The following DNAI1 variants were observed in gnomAD, a reference collection of about 807,000 sequenced individuals.
DNAI1 encodes the protein dynein axonemal intermediate chain 1.
In DNAI1, 67 loss-of-function variants were observed where a neutral mutation model predicts 92.0. The observed-to-expected ratio is 0.73, with a 90% CI of 0.60 to 0.89. The LOEUF is 0.89. DNAI1 is among the 40% of genes least tolerant of loss of function. The pLI, the probability that DNAI1 is intolerant of heterozygous loss-of-function variation, is 0.00. For missense variants in DNAI1, 839 were observed against 866.6 expected (o/e 0.97, Z 0.40); for synonymous variants, 323 against 319.6 (o/e 1.01, Z -0.11).
rs377217567 is a variant in DNAI1 at position 34,514,416 on chromosome 9, A to G, written c.1592A>G (p.Gln531Arg). ...CAGTGCTCTAAATCCTACTCCAGCC[A>G]ATTCCTCGACACCTATGACGCCCAC... Reference protein sequence around the residue: ...IYKCSKSYSSQFLDTYDAHNM... With the variant: ...IYKCSKSYSSRFLDTYDAHNM... Residue 531 changes from glutamine (Q) to arginine (R), a missense_variant, in exon 17 of 20, where the codon CAA (glutamine) becomes CGA (arginine). Gln to Arg is a conservative substitution (Grantham distance 43). Transcript: ENST00000242317. 2 of 1,614,044 alleles carry G rather than the reference A, an allele frequency of 1.2e-6. No homozygotes were observed. Among genetic ancestry groups the G allele is most frequent in the African/African-American group, 2.7e-5 (2 of 74,914 alleles).
intron 1 of DNAI1, among the ~76,000 whole-genome samples, chr9:34,474,261 G>T (rs1431516368): frequency 5.3e-5 from 8 of 151,198 alleles, no homozygotes; most frequent in Non-Finnish European, 1.0e-4. Flanking sequence ...TTGAGACAGG[G>T]ATTTGCTCTG....
At position 34,458,977 on chromosome 9, in the gene DNAI1, A is replaced by G; in HGVS notation, c.-29A>G. The G allele has an allele frequency of 1.2e-6, 2 of 1,612,452 alleles. No homozygotes were observed. The highest frequency in any genetic ancestry group is 1.7e-6 in the Non-Finnish European group (2 of 1,178,512). On this transcript the variant is annotated 5_prime_UTR_variant, in exon 1 of 20. Coordinates refer to ENST00000242317, the MANE Select transcript of DNAI1 (RefSeq NM_012144.4). The surrounding 1 kb of genome is among the most constrained non-coding windows in gnomAD (Gnocchi z 6.6). The stretch of plus-strand genomic sequence containing the variant: ...CAAACTTTTTGTCTTCAGACGAGGG[A>G]GCGTTTTGTAGGCTCTCCAGGGGTT...
chr9:34,482,950 G>A (rs1454590653), intron 1 of DNAI1, among the ~76,000 whole-genome samples: 1 of 152,224 alleles, frequency 6.6e-6, no homozygotes, highest in African/African-American at 2.4e-5. Flanking sequence ...CGAGCGCAGT[G>A]CTGGTGGGCC....
intron 12 of DNAI1, among the ~76,000 whole-genome samples, chr9:34,502,757 G>T (rs945657248): frequency 1.3e-5 from 2 of 151,986 alleles, no homozygotes; most frequent in African/African-American, 4.8e-5. Flanking sequence ...CTACATCCAC[G>T]TGCCTGAGTG....
At chr9:34,497,338 C>G (rs1368820131) in intron 10 of DNAI1, 139 bp downstream of exon 10, 28 of 716,312 alleles carry the variant, frequency 3.9e-5, no homozygotes, top group Middle Eastern at 6.6e-4. Context: ...CTCTGGATGT[C>G]ACTGGGGAGA....
intron 18 of DNAI1, among the ~76,000 whole-genome samples, chr9:34,515,405 G>C (rs958438072): frequency 2.6e-5 from 4 of 152,222 alleles, no homozygotes; most frequent in Non-Finnish European, 5.9e-5. Context: ...CTCTAGGCTG[G>C]ACCCTGGTGG....
intron 10 of DNAI1, among the ~76,000 whole-genome samples, chr9:34,498,654 T>C (rs1319208057): frequency 6.6e-6 from 1 of 152,220 alleles, no homozygotes; most frequent in East Asian, 1.9e-4. Context: ...AAGTGGCTTG[T>C]ATTTCCCTAA....
At chr9:34,493,684 G>T (rs997259352) in intron 9 of DNAI1, among the ~76,000 whole-genome samples, 2 of 152,076 alleles carry the variant, frequency 1.3e-5, no homozygotes, top group African/African-American at 4.8e-5. Flanking sequence ...CACTTCCCTC[G>T]GCAACGGCTT....
At chr9:34,520,382 G>A (rs1438621777) in intron 19 of DNAI1, among the ~76,000 whole-genome samples, 1 of 152,182 alleles carries the variant, frequency 6.6e-6, no homozygotes, top group African/African-American at 2.4e-5. Flanking sequence ...GGGAATGGAT[G>A]CCTTTTCCCA....
chr9:34,511,581 A>G (rs892203650), intron 13 of DNAI1, among the ~76,000 whole-genome samples: 7 of 152,320 alleles, frequency 4.6e-5, no homozygotes, highest in African/African-American at 1.4e-4. Flanking sequence ...GATGGTAACA[A>G]TGAGGACATT....
At chr9:34,513,009 T>TG in intron 15 of DNAI1, 103 bp from the exon 16 acceptor site, 1 of 939,104 alleles carries the variant, frequency 1.1e-6, no homozygotes, top group African/African-American at 1.6e-5. Context: ...CGCTGAGTCC[T>TG]GCGCTGAGAG....
intron 12 of DNAI1, among the ~76,000 whole-genome samples, chr9:34,504,103 C>T (rs1824880763): frequency 6.6e-6 from 1 of 152,162 alleles, no homozygotes; most frequent in East Asian, 1.9e-4. Flanking sequence ...CAAGAAGCTT[C>T]CCAGAGCGCC....
At chr9:34,471,459 AAAAG>A (rs1342317314) in intron 1 of DNAI1, among the ~76,000 whole-genome samples, 2 of 150,696 alleles carry the variant, frequency 1.3e-5, no homozygotes, top group Non-Finnish European at 3.0e-5. Flanking sequence ...AAAAAAAAAA[AAAAG>A]AAAAGAAAAG....
At position 34,517,925 on chromosome 9, in the gene DNAI1, G is replaced by A. The variant is rs200680587; in HGVS notation, c.2001+458G>A. 4.6e-5 allele frequency among the ~76,000 whole-genome samples: 7 copies of A among 152,366 alleles called. 1 individual carries two copies. In the East Asian group the frequency reaches 1.3e-3, roughly 29 times the overall value. ...AGAGGAAGGAAATGAGCCGCAAGGA[G>A]AGTAACTAGGTCAGCAGCTATGCAG... On this transcript the variant is annotated intron_variant, in intron 19 of 19. Coordinates refer to ENST00000242317, the MANE Select transcript of DNAI1 (RefSeq NM_012144.4).
intron 4 of DNAI1, among the ~76,000 whole-genome samples, chr9:34,486,145 A>C (rs556837094): frequency 6.6e-6 from 1 of 152,176 alleles, no homozygotes; most frequent in East Asian, 1.9e-4. Context: ...TGAACTGAAG[A>C]GAATTTCCGA....
intron 1 of DNAI1, 23 bp downstream of exon 1, chr9:34,459,076 C>T (rs768605985): frequency 1.2e-6 from 2 of 1,610,128 alleles, no homozygotes; most frequent in South Asian, 2.2e-5. Flanking sequence ...CACCTTCCTT[C>T]TGATGACCTC....
intron 16 of DNAI1, among the ~76,000 whole-genome samples, chr9:34,513,885 G>A (rs992061086): frequency 1.3e-5 from 2 of 149,050 alleles, no homozygotes; most frequent in South Asian, 4.3e-4. Context: ...TGCTGGTCAG[G>A]GCAAAAAACT....
intron 1 of DNAI1, among the ~76,000 whole-genome samples, chr9:34,472,037 A>G (rs958318110): frequency 6.6e-6 from 1 of 152,200 alleles, no homozygotes; most frequent in African/African-American, 2.4e-5. Flanking sequence ...ATTTCTTGGG[A>G]TCTGGAAAAC....
rs376042885 is a variant in DNAI1 at position 34,489,999 on chromosome 9, G to A, written c.389-13G>A. The A allele has an allele frequency of 4.3e-6, 7 of 1,613,684 alleles. No homozygotes were observed. The African/African-American group carries it at 5.3e-5, about 12-fold the overall frequency. ...GGCTTAGACTTTGAACTCATTGGCA[G>A]TATCCTACCAAGGTTCTCAGGAGTC... is the stretch of plus-strand genomic sequence containing the variant. On this transcript the variant is annotated splice_polypyrimidine_tract_variant and intron_variant, in intron 5 of 19. Transcript: ENST00000242317.
Sources: allele counts gnomAD v4.1 joint callset (sites outside exome capture counted in the v4.1 genomes callset), GRCh38; gene constraint gnomAD v4.1.1; non-coding constraint Gnocchi (gnomAD v3.1); transcripts MANE v1.5; gene names NCBI Gene and HGNC (gene_info 2026-07-23, HGNC 2026-07-21).